The following MTA3 variants were observed in gnomAD, a reference collection of about 807,000 sequenced individuals.
MTA3 encodes the protein metastasis-associated protein MTA3.
Under a neutral mutation model 83.5 loss-of-function variants are expected in MTA3, and 34 were observed. The observed-to-expected ratio is 0.41, with a 90% confidence interval of 0.31 to 0.54. The LOEUF (loss-of-function observed/expected upper bound fraction) is 0.54. Among genes scored for constraint, MTA3 ranks in the 20% least tolerant of loss-of-function variants. The pLI, the probability that MTA3 is intolerant of heterozygous loss-of-function variation, is 0.33. For synonymous variants in MTA3, 303 were observed against 252.7 expected, an observed-to-expected ratio of 1.20 and a Z score of -1.89; for missense variants, 761 against 726.4, an observed-to-expected ratio of 1.05 and a Z score of -0.55.
chr2:42,676,515 C>T (rs1254396437), intron 8 of MTA3, among the ~76,000 whole-genome samples: 1 of 152,192 alleles, frequency 6.6e-6, no homozygotes, highest in Non-Finnish European at 1.5e-5. Flanking sequence ...CTTGTAATCC[C>T]AGCACTTTGG....
intron 2 of MTA3, among the ~76,000 whole-genome samples, chr2:42,558,652 C>T (rs1384348799): frequency 6.6e-6 from 1 of 151,566 alleles, no homozygotes; most frequent in Non-Finnish European, 1.5e-5. Context: ...CTCCTGGGTT[C>T]AAGCAATTCT....
intron 16 of MTA3, among the ~76,000 whole-genome samples, chr2:42,736,294 G>A (rs539035188): frequency 4.4e-4 from 67 of 152,290 alleles, no homozygotes; most frequent in African/African-American, 1.6e-3. Context: ...TGGACACTAT[G>A]TCTCTGTGCT....
intron 2 of MTA3, among the ~76,000 whole-genome samples, chr2:42,523,154 G>T (rs1487457051): frequency 1.3e-5 from 2 of 152,120 alleles, no homozygotes; most frequent in African/African-American, 4.8e-5. Flanking sequence ...GGGGCTTTTA[G>T]TTCAATGTAT....
At chr2:42,747,006 G>T (rs957723574) in intron 16 of MTA3, among the ~76,000 whole-genome samples, 8 of 144,564 alleles carry the variant, frequency 5.5e-5, no homozygotes, top group African/African-American at 1.0e-4. Flanking sequence ...TTCTAATTTT[G>T]TTTTTTTTTT....
chr2:42,494,316 G>T (rs1384735723), upstream of MTA3, among the ~76,000 whole-genome samples: 2 of 152,176 alleles, frequency 1.3e-5, no homozygotes, highest in Admixed American at 1.3e-4. Flanking sequence ...GATGAATTGG[G>T]CAGTCCCCAG....
At chr2:42,607,329 T>C (rs991077560) in intron 3 of MTA3, among the ~76,000 whole-genome samples, 4 of 152,106 alleles carry the variant, frequency 2.6e-5, no homozygotes, top group African/African-American at 7.2e-5. Context: ...CCGCTGGAGA[T>C]TGGTGAGAGT....
intron 2 of MTA3, among the ~76,000 whole-genome samples, chr2:42,501,997 A>G (rs1214697996): frequency 2.6e-5 from 4 of 152,096 alleles, no homozygotes; most frequent in Non-Finnish European, 4.4e-5. Context: ...TTAAAATTAA[A>G]ATTTAAATTT....
At chr2:42,545,700 C>G (rs1195599903) in intron 2 of MTA3, among the ~76,000 whole-genome samples, 2 of 152,168 alleles carry the variant, frequency 1.3e-5, no homozygotes, top group African/African-American at 2.4e-5. Flanking sequence ...TTAAAGTTGA[C>G]ACATCGTTTT....
chr2:42,537,335 G>T (rs1012489506), intron 2 of MTA3, among the ~76,000 whole-genome samples: 1 of 151,988 alleles, frequency 6.6e-6, no homozygotes. Flanking sequence ...AGGCCAAGGC[G>T]GGCAGATCAC....
chr2:42,718,264 T>C (rs958915657), intron 14 of MTA3, among the ~76,000 whole-genome samples: 2 of 151,982 alleles, frequency 1.3e-5, no homozygotes, highest in South Asian at 4.2e-4. Flanking sequence ...TTATTATTAT[T>C]GAGATGGAGT....
At chr2:42,572,519 G>A (rs1316295155) in intron 2 of MTA3, among the ~76,000 whole-genome samples, 1 of 151,872 alleles carries the variant, frequency 6.6e-6, no homozygotes, top group African/African-American at 2.4e-5. Flanking sequence ...AGGCTGCCGT[G>A]AGCTGTGATT....
chr2:42,705,597 T>A (rs962236161), intron 12 of MTA3, among the ~76,000 whole-genome samples: 2 of 152,048 alleles, frequency 1.3e-5, no homozygotes, highest in African/African-American at 4.8e-5. Flanking sequence ...TCCCAGCTAC[T>A]CAGGAGGCTG....
intron 2 of MTA3, among the ~76,000 whole-genome samples, chr2:42,529,095 G>C (rs1675845001): frequency 6.6e-6 from 1 of 152,248 alleles, no homozygotes; most frequent in East Asian, 1.9e-4. Context: ...GCAGCTTTAG[G>C]CTAAACTTAA....
chr2:42,754,775 A>G lies in MTA3; in HGVS notation c.*1376A>G. 1 of 985,488 alleles carries G rather than the reference A, an allele frequency of 1.0e-6. No individual in the cohort carries two copies. Among genetic ancestry groups the G allele is most frequent in the East Asian group, 1.1e-4 (1 of 8,820 alleles). The allele number at this position is 985,488 out of a possible 1,614,324, so 61.0% of individuals were successfully genotyped here. ...AGACAGAGTGGCTACAATTGAATTG[A>G]CACCCTGGGAAGCACGAGGTAACTT... On this transcript the variant is annotated 3_prime_UTR_variant, in exon 17 of 17. Coordinates refer to ENST00000405094, the MANE Select transcript of MTA3 (RefSeq NM_001330442.2).
At chr2:42,687,531 G>A (rs1019490353) in intron 9 of MTA3, among the ~76,000 whole-genome samples, 1 of 152,168 alleles carries the variant, frequency 6.6e-6, no homozygotes, top group African/African-American at 2.4e-5. Flanking sequence ...TTGCATGCTA[G>A]TTTTAGTGAA....
Position 42,583,841 on chromosome 2 carries a change from CTT to C in MTA3, c.190+4647_190+4648del, listed in dbSNP as rs1460178750. ...CCACTGTGCCTGGCCATTATGGACT[CTT>C]TTTTTGTTTTGTTTTGAGTTGGAGT... is the stretch of plus-strand genomic sequence containing the variant. On this transcript the variant is annotated intron_variant, in intron 3 of 16. Transcript: ENST00000405094. 5.4e-5 allele frequency among the ~76,000 whole-genome samples: 8 copies of C among 148,790 alleles called. 1 individual carries two copies. Among genetic ancestry groups the C allele is most frequent in the Admixed American group, 6.7e-5 (1 of 14,890 alleles).
chr2:42,678,144 G>GT (rs1005633857), intron 8 of MTA3, among the ~76,000 whole-genome samples: 134 of 143,596 alleles, frequency 9.3e-4, no homozygotes, highest in South Asian at 2.0e-3. Context: ...CTTGTGTTTT[G>GT]TTTTTTTTTT....
chr2:42,689,237 T>TGCATC (rs1692663989), intron 9 of MTA3, among the ~76,000 whole-genome samples: 2 of 152,232 alleles, frequency 1.3e-5, no homozygotes. Context: ...TTTCCCAGTA[T>TGCATC]TTTGTTAAGG....
At chr2:42,720,252 G>A (rs1297027358) in intron 15 of MTA3, among the ~76,000 whole-genome samples, 2 of 151,532 alleles carry the variant, frequency 1.3e-5, no homozygotes, top group East Asian at 3.9e-4. Context: ...GCGCAATCTC[G>A]GCTCACTGCA....
Sources: allele counts gnomAD v4.1 joint callset (sites outside exome capture counted in the v4.1 genomes callset), GRCh38; gene constraint gnomAD v4.1.1; transcripts MANE v1.5; gene names NCBI Gene and HGNC (gene_info 2026-07-23, HGNC 2026-07-21).